The following NRXN1 variants were observed in gnomAD, a reference collection of about 807,000 sequenced individuals.
NRXN1 encodes neurexin 1.
Under a neutral mutation model 150.9 loss-of-function variants are expected in NRXN1, and 39 were observed. The ratio of observed to expected loss-of-function variants is 0.26; its 90% CI spans 0.20 to 0.34. The LOEUF is 0.34. Ranked by LOEUF, NRXN1 falls within the 10% of genes least tolerant of loss-of-function variation. NRXN1 has a pLI of 1.00. For missense variants in NRXN1, 1,815 were observed against 1,949.9 expected, an observed-to-expected ratio of 0.93 and a Z score of 1.30; for synonymous variants, 924 against 757.0, an observed-to-expected ratio of 1.22 and a Z score of -3.62.
At chr2:50,819,222 T>A (rs1669360069) in intron 5 of NRXN1, among the ~76,000 whole-genome samples, 1 of 152,190 alleles carries the variant, frequency 6.6e-6, no homozygotes, top group Non-Finnish European at 1.5e-5. Context: ...TGAAGAGGCA[T>A]CTGCACTTCT....
intron 5 of NRXN1, among the ~76,000 whole-genome samples, chr2:50,831,472 T>G (rs766267336): frequency 1.3e-5 from 2 of 152,136 alleles, no homozygotes; most frequent in Non-Finnish European, 2.9e-5. Flanking sequence ...TAGTTATCCT[T>G]ACTGTGGGAG....
intron 8 of NRXN1, among the ~76,000 whole-genome samples, chr2:50,596,204 C>A (rs1315825397): frequency 6.6e-6 from 1 of 152,184 alleles, no homozygotes. Flanking sequence ...CTCTTCTTCA[C>A]CCACTCTTCA....
At chr2:50,512,067 A>G (rs2092471421) in intron 12 of NRXN1, among the ~76,000 whole-genome samples, 1 of 152,086 alleles carries the variant, frequency 6.6e-6, no homozygotes, top group African/African-American at 2.4e-5. Flanking sequence ...TGATAATCCC[A>G]TATAAAAGCA....
intron 21 of NRXN1, among the ~76,000 whole-genome samples, chr2:49,997,271 G>A (rs1316477618): frequency 1.3e-5 from 2 of 152,120 alleles, no homozygotes; most frequent in African/African-American, 4.8e-5. Flanking sequence ...TCATTGAAGT[G>A]TGACTATTGA....
At chr2:50,381,570 C>T (rs957766607) in intron 17 of NRXN1, among the ~76,000 whole-genome samples, 1 of 133,698 alleles carries the variant, frequency 7.5e-6, no homozygotes, top group African/African-American at 3.0e-5. Context: ...CACACACACA[C>T]ACAATCTGCT....
At chr2:50,779,480 T>C (rs1171169601) in intron 5 of NRXN1, among the ~76,000 whole-genome samples, 1 of 152,194 alleles carries the variant, frequency 6.6e-6, no homozygotes, top group East Asian at 1.9e-4. Flanking sequence ...GCAATAAAAA[T>C]ATGTGTGGCA....
chr2:51,014,439 A>T (rs1668365034), intron 2 of NRXN1, among the ~76,000 whole-genome samples: 1 of 152,094 alleles, frequency 6.6e-6, no homozygotes, highest in South Asian at 2.1e-4. Flanking sequence ...CAGCAGAGAA[A>T]GGATATTCAT....
chr2:50,025,512 A>G (rs1367189626), intron 21 of NRXN1, among the ~76,000 whole-genome samples: 1 of 152,222 alleles, frequency 6.6e-6, no homozygotes, highest in Non-Finnish European at 1.5e-5. Flanking sequence ...TGGAAGCCAC[A>G]ATCTTCAGGA....
intron 18 of NRXN1, among the ~76,000 whole-genome samples, chr2:50,120,970 C>G (rs900905461): frequency 6.6e-6 from 1 of 152,172 alleles, no homozygotes; most frequent in South Asian, 2.1e-4. Flanking sequence ...TTATTATTCA[C>G]TAAGCACTTA....
chr2:49,992,554 C>T (rs941210133), intron 21 of NRXN1, among the ~76,000 whole-genome samples: 1 of 152,002 alleles, frequency 6.6e-6, no homozygotes, highest in Non-Finnish European at 1.5e-5. Context: ...CAGAGTGAGA[C>T]TCTGTCTCAA....
At chr2:50,200,261 A>G (rs1559078712) in intron 18 of NRXN1, among the ~76,000 whole-genome samples, 1 of 152,080 alleles carries the variant, frequency 6.6e-6, no homozygotes, top group Non-Finnish European at 1.5e-5. Context: ...ATCTAGATGA[A>G]CTCTTAATCT....
intron 18 of NRXN1, among the ~76,000 whole-genome samples, chr2:50,096,150 G>C (rs1700192863): frequency 6.6e-6 from 1 of 151,954 alleles, no homozygotes; most frequent in Non-Finnish European, 1.5e-5. Flanking sequence ...CAAACAACAG[G>C]CCCGACCCTA....
At chr2:50,744,628 C>G (rs1699803392) in intron 5 of NRXN1, among the ~76,000 whole-genome samples, 1 of 151,922 alleles carries the variant, frequency 6.6e-6, no homozygotes, top group African/African-American at 2.4e-5. Flanking sequence ...TATAGATGAT[C>G]AAATTGAGGT....
At chr2:50,407,443 C>A (rs1033780036) in intron 17 of NRXN1, among the ~76,000 whole-genome samples, 2 of 152,128 alleles carry the variant, frequency 1.3e-5, no homozygotes, top group African/African-American at 4.8e-5. Flanking sequence ...CTGTCTTCAG[C>A]CTCATTGATA....
chr2:50,775,935 T>C (rs952342230), intron 5 of NRXN1, among the ~76,000 whole-genome samples: 6 of 152,116 alleles, frequency 3.9e-5, no homozygotes, highest in African/African-American at 1.4e-4. Flanking sequence ...GGGTGTGGTG[T>C]GGTTGTTGGC....
At chr2:50,096,270 A>G (rs1316290941) in intron 18 of NRXN1, among the ~76,000 whole-genome samples, 1 of 152,172 alleles carries the variant, frequency 6.6e-6, no homozygotes, top group Non-Finnish European at 1.5e-5. Context: ...TAAAATACAC[A>G]TAAAGCACAA....
At chr2:50,352,779 T>TATAATA (rs987086972) in intron 17 of NRXN1, among the ~76,000 whole-genome samples, 62 of 94,344 alleles carry the variant, frequency 6.6e-4, no homozygotes, top group South Asian at 4.5e-3. Flanking sequence ...ATAATAATAT[T>TATAATA]ATAATAATAA....
chr2:50,328,618 C>T (rs1462836126), intron 17 of NRXN1, among the ~76,000 whole-genome samples: 2 of 152,072 alleles, frequency 1.3e-5, no homozygotes, highest in East Asian at 3.9e-4. Flanking sequence ...CACCTGTAAT[C>T]CCAGCTACTC....
At chr2:50,191,198 G>GTTT (rs199985011) in intron 18 of NRXN1, among the ~76,000 whole-genome samples, 2 of 117,524 alleles carry the variant, frequency 1.7e-5, no homozygotes, top group African/African-American at 3.1e-5. Context: ...TCAGCTAATT[G>GTTT]TTTTTTGTTT....
Sources: allele counts gnomAD v4.1 joint callset (sites outside exome capture counted in the v4.1 genomes callset), GRCh38; gene constraint gnomAD v4.1.1; transcripts MANE v1.5; gene names NCBI Gene and HGNC (gene_info 2026-07-23, HGNC 2026-07-21).